The following PRKN variants were observed in gnomAD, a reference collection of about 807,000 sequenced individuals.
The protein encoded by PRKN is E3 ubiquitin-protein ligase parkin.
PRKN carries 56 observed loss-of-function variants against 59.5 expected under a neutral mutation model. The observed-to-expected ratio is 0.94, with a 90% CI of 0.76 to 1.18. The LOEUF (loss-of-function observed/expected upper bound fraction) is 1.18, where lower values mean the gene tolerates loss of function less well. Ranked by LOEUF, PRKN falls within the 50% of genes most tolerant of loss-of-function variation. The probability of loss-of-function intolerance (pLI) is 0.00; values close to 1 mark genes in which losing one functional copy is unlikely to be tolerated. For missense variants in PRKN, 657 were observed against 596.4 expected (o/e 1.10, Z -1.06); for synonymous variants, 250 against 222.1 (o/e 1.13, Z -1.12).
intron 6 of PRKN, among the ~76,000 whole-genome samples, chr6:161,792,352 C>T (rs79422108): frequency 7.2e-4 from 110 of 152,254 alleles, no homozygotes; most frequent in Admixed American, 2.2e-3. Flanking sequence ...ATTTGAAAAA[C>T]GGTCAGGATT....
intron 1 of PRKN, among the ~76,000 whole-genome samples, chr6:162,683,024 G>A (rs1028765842): frequency 6.6e-6 from 1 of 152,076 alleles, no homozygotes; most frequent in Non-Finnish European, 1.5e-5. Context: ...TTGGAGCAAC[G>A]ACATTACAAT....
chr6:162,324,130 C>T (rs1269664416), intron 2 of PRKN, among the ~76,000 whole-genome samples: 1 of 151,928 alleles, frequency 6.6e-6, no homozygotes, highest in African/African-American at 2.4e-5. Flanking sequence ...TTAAATATAC[C>T]AGCAACATGA....
intron 1 of PRKN, among the ~76,000 whole-genome samples, chr6:162,520,702 A>G: frequency 6.6e-6 from 1 of 152,130 alleles, no homozygotes; most frequent in East Asian, 1.9e-4. Context: ...TTCCCTGGGC[A>G]CAAATTTGGT....
intron 6 of PRKN, among the ~76,000 whole-genome samples, chr6:161,947,813 A>T (rs1779837286): frequency 6.6e-6 from 1 of 152,232 alleles, no homozygotes; most frequent in South Asian, 2.1e-4. Context: ...TTACTCTCAC[A>T]TACTTGACAT....
chr6:161,365,868 G>T (rs1380539786), intron 10 of PRKN, among the ~76,000 whole-genome samples: 1 of 152,160 alleles, frequency 6.6e-6, no homozygotes, highest in Non-Finnish European at 1.5e-5. Flanking sequence ...GCTACTGGAT[G>T]GGCCAGTTCA....
At chr6:161,912,872 T>C (rs1778418356) in intron 6 of PRKN, among the ~76,000 whole-genome samples, 1 of 152,178 alleles carries the variant, frequency 6.6e-6, no homozygotes, top group South Asian at 2.1e-4. Flanking sequence ...TAATATGTTA[T>C]TTTGTTTTAA....
At chr6:162,569,458 G>T in intron 1 of PRKN, 1 of 687,760 alleles carries the variant, frequency 1.5e-6, no homozygotes. Flanking sequence ...ACAGGAAGCT[G>T]CTGGAGAGTG....
chr6:161,998,790 G>A (rs1029117707), intron 5 of PRKN, among the ~76,000 whole-genome samples: 3 of 152,004 alleles, frequency 2.0e-5, no homozygotes, highest in Admixed American at 6.6e-5. Context: ...ATTTGTCATC[G>A]GGTCAATTTC....
intron 6 of PRKN, among the ~76,000 whole-genome samples, chr6:161,894,743 T>C (rs1482254110): frequency 6.6e-6 from 1 of 152,258 alleles, no homozygotes; most frequent in Non-Finnish European, 1.5e-5. Flanking sequence ...ATCTCTTTTG[T>C]ATGCGCTTCT....
chr6:162,637,695 T>C (rs1220431354), intron 1 of PRKN, among the ~76,000 whole-genome samples: 1 of 152,186 alleles, frequency 6.6e-6, no homozygotes, highest in Non-Finnish European at 1.5e-5. Flanking sequence ...TAAATTAAAA[T>C]TATATCTTAA....
intron 7 of PRKN, among the ~76,000 whole-genome samples, chr6:161,666,509 CA>C (rs1784732691): frequency 6.6e-6 from 1 of 152,164 alleles, no homozygotes; most frequent in Admixed American, 6.5e-5. Context: ...GGACCACTGC[CA>C]TAGGACCTTT....
At chr6:162,697,682 A>G (rs371515523) in intron 1 of PRKN, among the ~76,000 whole-genome samples, 1 of 152,336 alleles carries the variant, frequency 6.6e-6, no homozygotes, top group East Asian at 1.9e-4. Flanking sequence ...TTGAAGGTCA[A>G]TTAAGACTTA....
At chr6:161,887,621 A>G (rs952427754) in intron 6 of PRKN, among the ~76,000 whole-genome samples, 1 of 121,054 alleles carries the variant, frequency 8.3e-6, no homozygotes, top group Non-Finnish European at 1.7e-5. Flanking sequence ...TATTATTCCT[A>G]ATGTATTAAT....
chr6:162,532,857 ATACTG>A (rs1171568124), intron 1 of PRKN, among the ~76,000 whole-genome samples: 1 of 152,106 alleles, frequency 6.6e-6, no homozygotes, highest in Non-Finnish European at 1.5e-5. Flanking sequence ...CCCTGGGGGG[ATACTG>A]TAAACTCAGT....
intron 5 of PRKN, among the ~76,000 whole-genome samples, chr6:161,988,688 C>A (rs1451549824): frequency 1.3e-5 from 2 of 151,902 alleles, no homozygotes; most frequent in Non-Finnish European, 2.9e-5. Flanking sequence ...AGTGAAAGCT[C>A]AGAGCCATGA....
At chr6:161,903,144 A>G (rs931865491) in intron 6 of PRKN, among the ~76,000 whole-genome samples, 1 of 152,170 alleles carries the variant, frequency 6.6e-6, no homozygotes, top group Non-Finnish European at 1.5e-5. Context: ...AGGGATTTAG[A>G]GGAGTCTTTC....
chr6:162,538,923 C>T (rs1446622100), intron 1 of PRKN, among the ~76,000 whole-genome samples: 1 of 152,172 alleles, frequency 6.6e-6, no homozygotes, highest in African/African-American at 2.4e-5. Context: ...AATTTTAAAA[C>T]AGGGCTTGTC....
chr6:161,594,827 A>T (rs1781856597), intron 7 of PRKN, among the ~76,000 whole-genome samples: 1 of 152,260 alleles, frequency 6.6e-6, no homozygotes, highest in African/African-American at 2.4e-5. Context: ...AAGAAAAGAA[A>T]AAAATAAGTG....
rs1320377620 is a variant in PRKN, at chr6:161,470,007, T to C, written c.1083+78847A>G. Among the ~76,000 whole-genome samples, 3 of 152,214 alleles carry C rather than the reference T, an allele frequency of 2.0e-5. No individual in the cohort carries two copies. On this transcript the variant is annotated intron_variant, in intron 9 of 11. Transcript: ENST00000366898. The surrounding 1 kb of genome is among the most constrained non-coding windows in gnomAD (Gnocchi z 5.1). ...GTGCTTACTATGAACCGGGCATTGC[T>C]AGGCTGAACATCCAACATACATAGT...
Sources: gnomAD v4.1 joint callset for allele counts (sites outside exome capture counted in the v4.1 genomes callset) on GRCh38, gnomAD v4.1.1 for gene constraint, Gnocchi (gnomAD v3.1) non-coding constraint, MANE v1.5 for transcripts, NCBI Gene and HGNC (gene_info 2026-07-23, HGNC 2026-07-21) for gene names.